PRKN: variants seen among roughly 807,000 people sequenced by gnomAD.
PRKN encodes the protein parkin RBR E3 ubiquitin protein ligase.
A neutral mutation model predicts 59.5 loss-of-function variants in PRKN; 56 were observed. That is an observed-to-expected ratio of 0.94 (90% CI 0.76 to 1.18). PRKN has a LOEUF of 1.18. PRKN is among the 50% of genes most tolerant of loss of function. The probability of loss-of-function intolerance (pLI) is 0.00; values close to 1 mark genes in which losing one functional copy is unlikely to be tolerated. For missense variants in PRKN, 657 were observed against 596.4 expected (o/e 1.10, Z -1.06); for synonymous variants, 250 against 222.1 (o/e 1.13, Z -1.12).
intron 7 of PRKN, among the ~76,000 whole-genome samples, chr6:161,668,564 A>T (rs940682368): frequency 6.6e-6 from 1 of 152,190 alleles, no homozygotes; most frequent in Non-Finnish European, 1.5e-5. Context: ...CATGAACAAG[A>T]GGTCCCTAAG....
rs560908574 is a variant in PRKN, at chr6:161,966,149, C to T, written c.734+7153G>A. Among the ~76,000 whole-genome samples, 70 of 151,936 alleles carry T rather than the reference C, an allele frequency of 4.6e-4. 1 individual carries two copies. The highest frequency in any genetic ancestry group is 1.6e-3 in the African/African-American group (68 of 41,338). ...TTTCTTCCTTGTCTCATAATGTTAT[C>T]CCGAAGTCAGTTTGGAAAGTAGTCA... On this transcript the variant is annotated intron_variant, in intron 6 of 11. Transcript: ENST00000366898.
chr6:161,782,798 G>A (rs1013445894), intron 7 of PRKN, among the ~76,000 whole-genome samples: 3 of 152,042 alleles, frequency 2.0e-5, no homozygotes, highest in Non-Finnish European at 4.4e-5. Context: ...GGAGGCTGAG[G>A]CAGGAGAATC....
At chr6:162,624,365 T>C (rs1339464850) in intron 1 of PRKN, 4 of 152,212 alleles carry the variant, frequency 2.6e-5, no homozygotes, top group Non-Finnish European at 5.9e-5. Flanking sequence ...CATGAATATT[T>C]ATTAAAAACA....
intron 7 of PRKN, among the ~76,000 whole-genome samples, chr6:161,625,822 C>T (rs1180475770): frequency 6.6e-6 from 1 of 152,112 alleles, no homozygotes; most frequent in African/African-American, 2.4e-5. Flanking sequence ...TAGGCCAGGC[C>T]TCCTTAGGTT....
chr6:162,590,391 A>ATT (rs1781253340), intron 1 of PRKN, among the ~76,000 whole-genome samples: 1 of 152,222 alleles, frequency 6.6e-6, no homozygotes, highest in African/African-American at 2.4e-5. Context: ...AGCAAAAGTA[A>ATT]TGACCTTAAT....
chr6:162,125,703 G>C (rs1266198036), intron 4 of PRKN, among the ~76,000 whole-genome samples: 2 of 152,118 alleles, frequency 1.3e-5, no homozygotes, highest in African/African-American at 4.8e-5. Flanking sequence ...AGTCATAAAA[G>C]GGTCAATTAT....
chr6:162,514,049 A>AAAAAAG (rs1468495792), intron 1 of PRKN, among the ~76,000 whole-genome samples: 1 of 152,350 alleles, frequency 6.6e-6, no homozygotes, highest in South Asian at 2.1e-4. Context: ...CCATCTCAAA[A>AAAAAAG]AAAAAGAAAA....
rs1018608479 is a variant in PRKN, at chr6:161,405,589, A to G, written c.1084-18712T>C. Among the ~76,000 whole-genome samples the G allele has an allele frequency of 5.3e-5, 8 of 149,768 alleles. No homozygotes were observed. The highest frequency in any genetic ancestry group is 1.3e-4 in the Admixed American group (2 of 14,938). ...CAAAGCAAGACCCTGTCTAAAAAAT[A>G]AAATAAAATAAAAATTAAAAATAAA... On this transcript the variant is annotated intron_variant, in intron 9 of 11. Coordinates refer to ENST00000366898, the MANE Select transcript of PRKN (RefSeq NM_004562.3). The surrounding 1 kb of genome is among the most constrained non-coding windows in gnomAD (Gnocchi z 5.1).
intron 9 of PRKN, among the ~76,000 whole-genome samples, chr6:161,534,082 T>G (rs1779322595): frequency 6.6e-6 from 1 of 152,080 alleles, no homozygotes; most frequent in Non-Finnish European, 1.5e-5. Flanking sequence ...CTCCATTGTC[T>G]GCAGGATGAA....
intron 7 of PRKN, among the ~76,000 whole-genome samples, chr6:161,727,054 C>A (rs1239609718): frequency 6.6e-6 from 1 of 152,154 alleles, no homozygotes; most frequent in Non-Finnish European, 1.5e-5. Context: ...CGGATCTTTT[C>A]ATTCACAAGG....
chr6:161,910,963 A>T (rs1402441073), intron 6 of PRKN, among the ~76,000 whole-genome samples: 1 of 152,352 alleles, frequency 6.6e-6, no homozygotes, highest in East Asian at 1.9e-4. Flanking sequence ...CACTTAATAG[A>T]CTACAACATA....
intron 4 of PRKN, among the ~76,000 whole-genome samples, chr6:162,158,086 G>A (rs2849581): frequency 0.94 from 142,227 of 151,750 alleles, 67,245 homozygotes; most frequent in Non-Finnish European, 1. Flanking sequence ...GGTGCGATAA[G>A]TTTTTGGCAT....
intron 3 of PRKN, among the ~76,000 whole-genome samples, chr6:162,252,984 G>A (rs1331267309): frequency 1.3e-5 from 2 of 152,374 alleles, no homozygotes; most frequent in Non-Finnish European, 2.9e-5. Context: ...ACAGCCCAGA[G>A]TGAGAGGAAA....
At chr6:162,607,461 A>G (rs986852971) in intron 1 of PRKN, among the ~76,000 whole-genome samples, 2 of 152,104 alleles carry the variant, frequency 1.3e-5, no homozygotes, top group South Asian at 4.1e-4. Context: ...CAGAAGCACA[A>G]CTTTACCCAT....
rs1307800065 is a variant in PRKN, at chr6:161,456,886, A to G, written c.1084-70009T>C. Among the ~76,000 whole-genome samples, 1 of 152,142 alleles carries G rather than the reference A, an allele frequency of 6.6e-6. No individual in the cohort carries two copies. Among genetic ancestry groups the G allele is most frequent in the Non-Finnish European group, 1.5e-5 (1 of 68,032 alleles). On this transcript the variant is annotated intron_variant, in intron 9 of 11. Transcript: ENST00000366898. This position sits in a 1 kb window ranked among gnomAD's most constrained non-coding sequence, Gnocchi z 4.8. ...TCAGGGAACCTTTTCTCCTAGGCAA[A>G]CAGAGGTAGTGTGGCAGCTGGAAGA... is the stretch of plus-strand genomic sequence containing the variant.
intron 7 of PRKN, among the ~76,000 whole-genome samples, chr6:161,708,451 G>C (rs1400729933): frequency 7.9e-6 from 1 of 127,138 alleles, no homozygotes; most frequent in Non-Finnish European, 1.6e-5. Context: ...TGTAGATTTG[G>C]TTGATTTCAG....
Position 161,400,091 on chromosome 6 carries a change from T to C in PRKN, c.1084-13214A>G, listed in dbSNP as rs1314172369. On this transcript the variant is annotated intron_variant, in intron 9 of 11. Transcript: ENST00000366898. This position sits in a 1 kb window ranked among gnomAD's most constrained non-coding sequence, Gnocchi z 4.2. The stretch of plus-strand genomic sequence containing the variant: ...GCTCAGGAGCCTCACGTGGGCACCA[T>C]GTTGGACAGGAGCCTCACAGGGCTA... Among the ~76,000 whole-genome samples the C allele has an allele frequency of 6.6e-6, 1 of 152,088 alleles. No individual in the cohort carries two copies. Among genetic ancestry groups the C allele is most frequent in the Non-Finnish European group, 1.5e-5 (1 of 68,012 alleles).
intron 7 of PRKN, among the ~76,000 whole-genome samples, chr6:161,573,606 G>A (rs938026631): frequency 2.0e-5 from 3 of 148,904 alleles, no homozygotes; most frequent in African/African-American, 7.4e-5. Context: ...TGTAGTCCCA[G>A]CTACTCGGGA....
chr6:162,009,324 T>G (rs943085924), intron 5 of PRKN, among the ~76,000 whole-genome samples: 1 of 151,500 alleles, frequency 6.6e-6, no homozygotes, highest in South Asian at 2.1e-4. Context: ...AGTGGAAATT[T>G]TGACATAAAA....
Sources: gnomAD v4.1 joint callset for allele counts (sites outside exome capture counted in the v4.1 genomes callset) on GRCh38, gnomAD v4.1.1 for gene constraint, Gnocchi (gnomAD v3.1) non-coding constraint, MANE v1.5 for transcripts, NCBI Gene and HGNC (gene_info 2026-07-23, HGNC 2026-07-21) for gene names.